ZNF576: variants seen among roughly 807,000 people sequenced by gnomAD.
ZNF576 encodes the protein zinc finger protein 576.
In ZNF576, 9 loss-of-function variants were observed where a neutral mutation model predicts 10.8. The observed-to-expected ratio is 0.84, with a 90% CI of 0.50 to 1.46. The LOEUF (loss-of-function observed/expected upper bound fraction) is 1.46. Among genes scored for constraint, ZNF576 ranks in the 40% most tolerant of loss-of-function variants. The pLI is 0.00. For missense variants in ZNF576, 191 were observed against 233.7 expected, an observed-to-expected ratio of 0.82 and a Z score of 1.19; for synonymous variants, 88 against 89.6, an observed-to-expected ratio of 0.98 and a Z score of 0.10.
At chr19:43,597,482 C>A in intron 2 of ZNF576, 1 of 315,842 alleles carries the variant, frequency 3.2e-6, no homozygotes, top group Non-Finnish European at 6.1e-6. Flanking sequence ...GGGAATGGTT[C>A]TATTGGGAGA....
In ZNF576 at chr19:43,599,516, G is replaced by A. The variant is rs528279529; in HGVS notation, c.*258G>A. ...AAAAAAAAAAATGGGAAGGGAGTGCGGGAGAGAAATGGTTTGTGTCTCCCT... is the reference window on the plus strand; with the variant it reads ...AAAAAAAAAAATGGGAAGGGAGTGCAGGAGAGAAATGGTTTGTGTCTCCCT... On this transcript the variant is annotated 3_prime_UTR_variant, in exon 3 of 3. Coordinates refer to ENST00000336564, the MANE Select transcript of ZNF576 (RefSeq NM_001145347.2). 10 of 493,664 alleles carry A rather than the reference G, an allele frequency of 2.0e-5. No homozygotes were observed. The highest frequency in any genetic ancestry group is 3.9e-5 in the African/African-American group (2 of 51,230). The allele number at this position is 493,664 out of a possible 1,614,324, so 30.6% of individuals were successfully genotyped here. A position where few individuals can be genotyped will look rare whatever the true frequency, so the allele number is the denominator to read the frequency against.
intron 2 of ZNF576, among the ~76,000 whole-genome samples, chr19:43,597,803 G>C (rs1973164881): frequency 6.6e-6 from 1 of 152,148 alleles, no homozygotes; most frequent in African/African-American, 2.4e-5. Flanking sequence ...GGCAGAGAGA[G>C]GTATTTGTAA....
chr19:43,597,000 C>A, intron 1 of ZNF576, 94 bp from the exon 2 acceptor site: 1 of 972,688 alleles, frequency 1.0e-6, no homozygotes, highest in East Asian at 2.5e-5. Context: ...GCAAGGAGAG[C>A]CTCTGGCGAT....
Position 43,596,917 on chromosome 19 carries a change from T to G in ZNF576, c.-16+174T>G, listed in dbSNP as rs950546025. On this transcript the variant is annotated intron_variant, in intron 1 of 2. Transcript: ENST00000336564. ...CAGGAAATCCAGTCCTTTGGGAGGT[T>G]TGAAGCTTCTTTTAGCAAGAACTCC... 7 of 561,546 alleles carry G rather than the reference T, an allele frequency of 1.2e-5. No individual in the cohort carries two copies. The African/African-American group carries it at 1.3e-4, about 11-fold the overall frequency. The allele number at this position is 561,546 out of a possible 1,614,324, so 34.8% of individuals were successfully genotyped here.
In ZNF576 at chr19:43,600,197, C is replaced by A. The variant is rs1230425107; in HGVS notation, c.*939C>A. ...TCCTATTTTCAGCTCTCTTGAAAGGCCCAACCTAGGCTGACATTGTCAGCA... is the reference window on the plus strand; with the variant it reads ...TCCTATTTTCAGCTCTCTTGAAAGGACCAACCTAGGCTGACATTGTCAGCA... On this transcript the variant is annotated 3_prime_UTR_variant, in exon 3 of 3. Transcript: ENST00000336564. 6.6e-6 allele frequency: 1 copy of A among 152,134 alleles called. No individual in the cohort carries two copies. Among genetic ancestry groups the A allele is most frequent in the East Asian group, 1.9e-4 (1 of 5,192 alleles). The allele number at this position is 152,134 out of a possible 1,614,324, so 9.4% of individuals were successfully genotyped here. A position where few individuals can be genotyped will look rare whatever the true frequency, so the allele number is the denominator to read the frequency against.
At chr19:43,598,035 C>A (rs1458525531) in intron 2 of ZNF576, among the ~76,000 whole-genome samples, 1 of 152,162 alleles carries the variant, frequency 6.6e-6, no homozygotes, top group African/African-American at 2.4e-5. Flanking sequence ...TACCAGGAAG[C>A]AGGGGCAATT....
At chr19:43,597,020 C>A in intron 1 of ZNF576, 74 bp from the exon 2 acceptor site, 1 of 1,315,814 alleles carries the variant, frequency 7.6e-7, no homozygotes, top group South Asian at 1.2e-5. Flanking sequence ...TGTCAAAGGT[C>A]ATAGACTTAG....
In ZNF576 at chr19:43,598,854, A is replaced by T. The variant is rs755135982; in HGVS notation, c.109A>T (p.Thr37Ser). The T allele has an allele frequency of 6.4e-7, 1 of 1,568,582 alleles. No individual in the cohort carries two copies. Among genetic ancestry groups the T allele is most frequent in the Non-Finnish European group, 8.7e-7 (1 of 1,152,354 alleles). The part of the protein sequence containing the change: ...NICHLGAPKC[T>S]RCLITFADSK... ...AGGCCACCTGGGGGCCCCGAAGTGC[A>T]CCCGCTGCCTCATCACCTTCGCAGA... is the stretch of plus-strand genomic sequence containing the variant. The change falls in exon 3 of 3, where the codon ACC (threonine) becomes TCC (serine). Residue 37 changes from threonine (T) to serine (S), a missense_variant. Thr to Ser is a moderately conservative substitution (Grantham distance 58). Coordinates refer to ENST00000336564, the MANE Select transcript of ZNF576 (RefSeq NM_001145347.2).
In ZNF576 at chr19:43,597,632, T is replaced by C. The variant is rs75568512; in HGVS notation, c.85+439T>C. On this transcript the variant is annotated intron_variant, in intron 2 of 2. Transcript: ENST00000336564. ...GATTAACTGCAGCAAAGGGGAAAGC[T>C]AGGGGTTAATGATGGTAGCCAGTTT... is the stretch of plus-strand genomic sequence containing the variant. The C allele has an allele frequency of 9.8e-3, 1,702 of 173,042 alleles. 75 individuals carry two copies. The East Asian group carries it at 0.14, about 14-fold the overall frequency. 10.7% of individuals were successfully genotyped at this position (173,042 alleles called of 1,614,324 possible).
At chr19:43,597,035 C>T (rs1402292679) in intron 1 of ZNF576, 59 bp from the exon 2 acceptor site, 2 of 1,461,388 alleles carry the variant, frequency 1.4e-6, no homozygotes, top group Non-Finnish European at 1.9e-6. Flanking sequence ...ACTTAGGGTG[C>T]CCTCTAAGAC....
At chr19:43,598,640 C>T (rs952489221) in intron 2 of ZNF576, among the ~76,000 whole-genome samples, 191 bp from the exon 3 acceptor site, 1 of 152,230 alleles carries the variant, frequency 6.6e-6, no homozygotes, top group Non-Finnish European at 1.5e-5. Flanking sequence ...ACTTGCCTAA[C>T]CTCTTTGAAT....
intron 2 of ZNF576, chr19:43,597,536 T>C (rs1298088773): frequency 4.5e-6 from 1 of 222,404 alleles, no homozygotes; most frequent in African/African-American, 2.3e-5. Flanking sequence ...AGACTTTCAG[T>C]GTAACTTGGG....
chr19:43,596,973 G>C (rs1973151928), intron 1 of ZNF576, 121 bp from the exon 2 acceptor site: 1 of 711,366 alleles, frequency 1.4e-6, no homozygotes, highest in Non-Finnish European at 2.4e-6. Flanking sequence ...ATAGTATGTC[G>C]TAGGGGTCAA....
chr19:43,598,433 A>C (rs994729932), intron 2 of ZNF576, among the ~76,000 whole-genome samples: 1 of 152,192 alleles, frequency 6.6e-6, no homozygotes, highest in African/African-American at 2.4e-5. Flanking sequence ...TATGGAGTAG[A>C]TACTGTTATT....
rs945767053 is a variant in ZNF576, at chr19:43,597,349, C to T, written c.85+156C>T. 2.5e-5 allele frequency: 16 copies of T among 639,092 alleles called. No individual in the cohort carries two copies. In the East Asian group the frequency reaches 4.5e-4, roughly 18 times the overall value. The allele number at this position is 639,092 out of a possible 1,614,324, so 39.6% of individuals were successfully genotyped here. ...GCTGCTCTAGCAGGAAGTGCATCTCCTCACACCAGCTTATGTGGCCAGAGT... is the reference window on the plus strand; with the variant it reads ...GCTGCTCTAGCAGGAAGTGCATCTCTTCACACCAGCTTATGTGGCCAGAGT... On this transcript the variant is annotated intron_variant, in intron 2 of 2. Coordinates refer to ENST00000336564, the MANE Select transcript of ZNF576 (RefSeq NM_001145347.2).
Position 43,596,688 on chromosome 19 carries a change from G to T in ZNF576, c.-71G>T. ...CGCGTGGGAGGCGGGGGCTCTGGGCGGAACAAAAATCACAGGATGTCAGAG... is the reference window on the plus strand; with the variant it reads ...CGCGTGGGAGGCGGGGGCTCTGGGCTGAACAAAAATCACAGGATGTCAGAG... On this transcript the variant is annotated 5_prime_UTR_variant, in exon 1 of 3. Coordinates refer to ENST00000336564, the MANE Select transcript of ZNF576 (RefSeq NM_001145347.2). 1 of 161,338 alleles carries T rather than the reference G, an allele frequency of 6.2e-6. No individual in the cohort carries two copies. 10.0% of individuals were successfully genotyped at this position (161,338 alleles called of 1,614,324 possible). A position where few individuals can be genotyped will look rare whatever the true frequency, so the allele number is the denominator to read the frequency against.
Position 43,597,097 on chromosome 19 carries a change from G to A in ZNF576, c.-12G>A. The A allele has an allele frequency of 6.2e-7, 1 of 1,613,920 alleles. No homozygotes were observed. The highest frequency in any genetic ancestry group is 2.2e-5 in the East Asian group (1 of 44,872). ...TGCACGCTCCTCTCCTGACTAGAAG[G>A]GTCCCAGCACCATGGAGGACCCGAA... On this transcript the variant is annotated 5_prime_UTR_variant, in exon 2 of 3. Coordinates refer to ENST00000336564, the MANE Select transcript of ZNF576 (RefSeq NM_001145347.2).
At chr19:43,597,877 C>T (rs111907723) in intron 2 of ZNF576, among the ~76,000 whole-genome samples, 14 of 152,232 alleles carry the variant, frequency 9.2e-5, no homozygotes, top group African/African-American at 3.4e-4. Context: ...CAGTTGAACA[C>T]GTTGGGTTTC....
intron 2 of ZNF576, 125 bp downstream of exon 2, chr19:43,597,318 C>T (rs1278594116): frequency 1.7e-5 from 13 of 783,192 alleles, no homozygotes; most frequent in Non-Finnish European, 2.8e-5. Context: ...CTGTAATGGT[C>T]CCTGAGCTGC....
Sources: gnomAD v4.1 joint callset for allele counts (sites outside exome capture counted in the v4.1 genomes callset) on GRCh38, gnomAD v4.1.1 for gene constraint, MANE v1.5 for transcripts, NCBI Gene and HGNC (gene_info 2026-07-23, HGNC 2026-07-21) for gene names.